Variants in CDH23 observed in about 807,000 individuals in gnomAD.
CDH23 encodes cadherin related 23, also known as cadherin-23.
Under a neutral mutation model 317.1 loss-of-function variants are expected in CDH23, and 189 were observed. That is an observed-to-expected ratio of 0.60 (90% CI 0.53 to 0.67). The LOEUF is 0.67. CDH23 is among the 30% of genes least tolerant of loss of function. The pLI, the probability that CDH23 is intolerant of heterozygous loss-of-function variation, is 0.00. For missense variants in CDH23, 4,401 were observed against 4,592.4 expected (o/e 0.96, Z 1.20); for synonymous variants, 1,839 against 1,876.8 (o/e 0.98, Z 0.52).
chr10:71,781,717 G>C (rs1840960376), intron 41 of CDH23, among the ~76,000 whole-genome samples: 1 of 152,222 alleles, frequency 6.6e-6, no homozygotes, highest in Admixed American at 6.5e-5. Flanking sequence ...AAAGGAGTGA[G>C]AGACGCCTAG....
chr10:71,496,680 T>C (rs1852990143), intron 3 of CDH23, among the ~76,000 whole-genome samples: 1 of 152,220 alleles, frequency 6.6e-6, no homozygotes, highest in South Asian at 2.1e-4. Flanking sequence ...TTCTCAGATA[T>C]GTCCTGAAGA....
Position 71,415,881 on chromosome 10 carries a change from A to T in CDH23, c.-6+18563A>T, listed in dbSNP as rs562587445. ...TACTTTTACTGATTCCAGTTCTTTG[A>T]CATGTTTTGAGAGTTACTTTATGGC... On this transcript the variant is annotated intron_variant, in intron 1 of 69. Transcript: ENST00000224721. Among the ~76,000 whole-genome samples the T allele has an allele frequency of 7.2e-5, 11 of 152,262 alleles. No individual in the cohort carries two copies. The South Asian group carries it at 8.3e-4, about 11-fold the overall frequency.
chr10:71,744,471 T>C (rs1839808601), intron 38 of CDH23, among the ~76,000 whole-genome samples: 2 of 152,228 alleles, frequency 1.3e-5, no homozygotes, highest in African/African-American at 4.8e-5. Flanking sequence ...TCACCCAGAA[T>C]GCATGGGCCA....
At chr10:71,608,175 T>C (rs1860640996) in intron 9 of CDH23, among the ~76,000 whole-genome samples, 1 of 152,222 alleles carries the variant, frequency 6.6e-6, no homozygotes, top group Non-Finnish European at 1.5e-5. Flanking sequence ...TGCGAGTTCA[T>C]GCTCAGTATG....
intron 28 of CDH23, chr10:71,716,010 C>T (rs959857280): frequency 3.2e-5 from 48 of 1,500,032 alleles, no homozygotes; most frequent in Admixed American, 1.4e-4. Context: ...TGTCGAGGGA[C>T]GGTGGGCCGG....
intron 18 of CDH23, among the ~76,000 whole-genome samples, chr10:71,686,928 C>T (rs1051164704): frequency 2.0e-4 from 30 of 152,296 alleles, no homozygotes; most frequent in Admixed American, 5.2e-4. Flanking sequence ...TTGGGGGGTG[C>T]GTAGCAGGAG....
intron 6 of CDH23, among the ~76,000 whole-genome samples, chr10:71,525,465 A>G (rs1854983920): frequency 1.3e-5 from 2 of 152,164 alleles, no homozygotes; most frequent in Admixed American, 1.3e-4. Context: ...TTGTCTGCAC[A>G]ACAGTGGGAA....
chr10:71,565,181 C>T (rs1160480982), intron 6 of CDH23, among the ~76,000 whole-genome samples: 1 of 151,912 alleles, frequency 6.6e-6, no homozygotes, highest in Non-Finnish European at 1.5e-5. Context: ...TAGCTGAGAA[C>T]CTCAGAAAGA....
intron 11 of CDH23, among the ~76,000 whole-genome samples, chr10:71,640,718 C>T (rs1002050144): frequency 1.2e-4 from 18 of 152,064 alleles, no homozygotes; most frequent in Non-Finnish European, 2.2e-4. Flanking sequence ...CACGCCACTG[C>T]ACTCCAGCCT....
chr10:71,796,232 G>T (rs1413690028), intron 48 of CDH23, among the ~76,000 whole-genome samples: 1 of 152,184 alleles, frequency 6.6e-6, no homozygotes, highest in African/African-American at 2.4e-5. Flanking sequence ...AAGCCACCAG[G>T]CCCTCTAACA....
intron 56 of CDH23, 27 bp downstream of exon 56, chr10:71,806,024 CGGGGTCTG>C: frequency 6.4e-6 from 3 of 471,192 alleles, no homozygotes; most frequent in Non-Finnish European, 1.1e-5. Context: ...GTGCGAGGGG[CGGGGTCTG>C]GGGCGGGGCT....
chr10:71,532,437 T>A (rs1855427504), intron 6 of CDH23, among the ~76,000 whole-genome samples: 1 of 152,142 alleles, frequency 6.6e-6, no homozygotes, highest in Non-Finnish European at 1.5e-5. Flanking sequence ...GCACTGAGCG[T>A]CAGGGGTGGA....
chr10:71,414,819 C>G (rs1324447981), intron 1 of CDH23, among the ~76,000 whole-genome samples: 2 of 152,082 alleles, frequency 1.3e-5, no homozygotes, highest in African/African-American at 4.8e-5. Context: ...ATGGAGAAGC[C>G]ATGTGAGGTT....
At chr10:71,571,387 C>T (rs760345000) in intron 8 of CDH23, among the ~76,000 whole-genome samples, 5 of 152,220 alleles carry the variant, frequency 3.3e-5, no homozygotes, top group Non-Finnish European at 5.9e-5. Context: ...CTCTTCCCTG[C>T]GAGCTTGCAG....
intron 14 of CDH23, among the ~76,000 whole-genome samples, chr10:71,650,736 C>T (rs1481962101): frequency 6.6e-6 from 1 of 152,182 alleles, no homozygotes; most frequent in East Asian, 1.9e-4. Flanking sequence ...CCTCTCATAT[C>T]CCAGGCTGCT....
chr10:71,451,303 G>C (rs998773647), intron 3 of CDH23, among the ~76,000 whole-genome samples: 1 of 152,182 alleles, frequency 6.6e-6, no homozygotes, highest in African/African-American at 2.4e-5. Flanking sequence ...AGCCATGGAT[G>C]GCCCTGCCCA....
chr10:71,557,796 G>A (rs574735284), intron 6 of CDH23, among the ~76,000 whole-genome samples: 1 of 152,108 alleles, frequency 6.6e-6, no homozygotes, highest in African/African-American at 2.4e-5. Flanking sequence ...ATGACCTTTT[G>A]TTTTCTCTCT....
intron 28 of CDH23, chr10:71,713,415 G>A: frequency 1.6e-6 from 1 of 631,450 alleles, no homozygotes; most frequent in Non-Finnish European, 2.8e-6. Context: ...ACCAACTATG[G>A]GGTTTCCGAC....
At chr10:71,403,361 TTCTTTC>T (rs1383929420) in intron 1 of CDH23, among the ~76,000 whole-genome samples, 11 of 103,464 alleles carry the variant, frequency 1.1e-4, no homozygotes, top group Non-Finnish European at 2.0e-4. Flanking sequence ...CTTTCTTTCT[TTCTTTC>T]TTTCTTTCTT....
Sources: allele counts gnomAD v4.1 joint callset (sites outside exome capture counted in the v4.1 genomes callset), GRCh38; gene constraint gnomAD v4.1.1; transcripts MANE v1.5; gene names NCBI Gene and HGNC (gene_info 2026-07-23, HGNC 2026-07-21).